The following NXPH1 variants were observed in gnomAD, a reference collection of about 807,000 sequenced individuals.
NXPH1 encodes the protein neurexophilin 1.
NXPH1 carries 5 observed loss-of-function variants against 23.7 expected under a neutral mutation model. The ratio of observed to expected loss-of-function variants is 0.21; its 90% CI spans 0.11 to 0.44. The LOEUF is 0.44. Ranked by LOEUF, NXPH1 falls within the 20% of genes least tolerant of loss-of-function variation. NXPH1 has a pLI of 0.99. For missense variants in NXPH1, 324 were observed against 321.6 expected, an observed-to-expected ratio of 1.01 and a Z score of -0.06; for synonymous variants, 144 against 122.2, an observed-to-expected ratio of 1.18 and a Z score of -1.18.
intron 2 of NXPH1, among the ~76,000 whole-genome samples, chr7:8,740,571 G>A (rs970470413): frequency 3.3e-5 from 5 of 152,148 alleles, no homozygotes; most frequent in African/African-American, 9.7e-5. Flanking sequence ...TGTAATACAG[G>A]CTCCTGGAGC....
chr7:8,683,066 A>G (rs1197611979), intron 2 of NXPH1, among the ~76,000 whole-genome samples: 1 of 152,236 alleles, frequency 6.6e-6, no homozygotes, highest in African/African-American at 2.4e-5. Flanking sequence ...GAGTTCTGCA[A>G]ACTGTGCAGG....
chr7:8,595,122 A>G (rs1323324482), intron 2 of NXPH1, among the ~76,000 whole-genome samples: 2 of 152,000 alleles, frequency 1.3e-5, no homozygotes, highest in African/African-American at 4.8e-5. Context: ...TTGGAAGCAC[A>G]CTTTTATCTG....
intron 2 of NXPH1, among the ~76,000 whole-genome samples, chr7:8,730,371 G>A (rs867841940): frequency 1.3e-5 from 2 of 148,636 alleles, no homozygotes; most frequent in Non-Finnish European, 3.0e-5. Flanking sequence ...GTGTGAATTT[G>A]ATCCTGTCAT....
intron 2 of NXPH1, among the ~76,000 whole-genome samples, chr7:8,729,410 T>C (rs143303951): frequency 0.54 from 63,535 of 116,870 alleles, 15,657 homozygotes; most frequent in African/African-American, 0.72. Context: ...CTTGCTTTTC[T>C]AGTTCTTTTA....
At chr7:8,540,071 A>T (rs1157728133) in intron 2 of NXPH1, among the ~76,000 whole-genome samples, 2 of 151,838 alleles carry the variant, frequency 1.3e-5, no homozygotes, top group Non-Finnish European at 2.9e-5. Context: ...ATTACACGCT[A>T]ATTTTATAGC....
chr7:8,733,058 G>A (rs1269368070), intron 2 of NXPH1, among the ~76,000 whole-genome samples: 2 of 151,796 alleles, frequency 1.3e-5, no homozygotes, highest in Non-Finnish European at 1.5e-5. Context: ...CCCCCTGTGT[G>A]TAATGTTTCC....
chr7:8,496,649 C>T (rs1204222337), intron 2 of NXPH1, among the ~76,000 whole-genome samples: 1 of 152,044 alleles, frequency 6.6e-6, no homozygotes, highest in Non-Finnish European at 1.5e-5. Context: ...AATGCAACTT[C>T]TTGGGCCCCA....
At chr7:8,444,508 C>T (rs1023708464) in intron 2 of NXPH1, among the ~76,000 whole-genome samples, 1 of 152,232 alleles carries the variant, frequency 6.6e-6, no homozygotes, top group Admixed American at 6.5e-5. Context: ...CATTTCTCCT[C>T]TCTTCCGCAG....
chr7:8,501,794 A>G (rs974981022), intron 2 of NXPH1, among the ~76,000 whole-genome samples: 7 of 152,186 alleles, frequency 4.6e-5, no homozygotes, highest in East Asian at 1.9e-4. Flanking sequence ...TAGCTCCCCA[A>G]TGCAGCAACG....
At chr7:8,576,466 C>G (rs182427346) in intron 2 of NXPH1, among the ~76,000 whole-genome samples, 1 of 152,192 alleles carries the variant, frequency 6.6e-6, no homozygotes, top group Non-Finnish European at 1.5e-5. Flanking sequence ...CGCAAGGAAA[C>G]CTTTCTTGAA....
chr7:8,717,248 G>A (rs933077344), intron 2 of NXPH1, among the ~76,000 whole-genome samples: 2 of 151,920 alleles, frequency 1.3e-5, no homozygotes, highest in Non-Finnish European at 2.9e-5. Flanking sequence ...TTCTTGTTCT[G>A]ATTTTAAGAA....
chr7:8,480,392 A>C (rs966274144), intron 2 of NXPH1, among the ~76,000 whole-genome samples: 13 of 152,202 alleles, frequency 8.5e-5, no homozygotes, highest in African/African-American at 3.1e-4. Context: ...AAACTCTTGA[A>C]ATGGAAGGCA....
chr7:8,530,142 G>C (rs1336131171), intron 2 of NXPH1, among the ~76,000 whole-genome samples: 1 of 152,176 alleles, frequency 6.6e-6, no homozygotes, highest in African/African-American at 2.4e-5. Context: ...CAATCATCAT[G>C]AAGAGCCTGT....
intron 2 of NXPH1, among the ~76,000 whole-genome samples, chr7:8,480,856 G>C (rs1817061500): frequency 6.6e-6 from 1 of 152,192 alleles, no homozygotes; most frequent in South Asian, 2.1e-4. Flanking sequence ...GATTCACTAA[G>C]TGTTTGCAAT....
intron 2 of NXPH1, among the ~76,000 whole-genome samples, chr7:8,559,406 G>C (rs562935821): frequency 1.3e-5 from 2 of 151,738 alleles, no homozygotes; most frequent in South Asian, 2.1e-4. Flanking sequence ...ACATGCTTTT[G>C]CCTTAGGTGT....
chr7:8,532,763 A>T (rs1394382755), intron 2 of NXPH1, among the ~76,000 whole-genome samples: 1 of 152,050 alleles, frequency 6.6e-6, no homozygotes, highest in Non-Finnish European at 1.5e-5. Context: ...TATCACTCAA[A>T]CATTCTATGG....
chr7:8,563,194 T>C (rs569279772), intron 2 of NXPH1, among the ~76,000 whole-genome samples: 1 of 151,922 alleles, frequency 6.6e-6, no homozygotes, highest in East Asian at 2.0e-4. Context: ...GTTCCTGTTC[T>C]AAACTTTGGG....
chr7:8,452,474 A>T (rs1394799583), intron 2 of NXPH1, among the ~76,000 whole-genome samples: 2 of 152,072 alleles, frequency 1.3e-5, no homozygotes, highest in Non-Finnish European at 2.9e-5. Flanking sequence ...CTAGAATCTC[A>T]TTGACAGCCT....
chr7:8,585,137 C>G (rs958538245), intron 2 of NXPH1, among the ~76,000 whole-genome samples: 1 of 152,176 alleles, frequency 6.6e-6, no homozygotes, highest in African/African-American at 2.4e-5. Flanking sequence ...GGGACTTTCT[C>G]TAAAATTATT....
Sources: allele counts gnomAD v4.1 joint callset (sites outside exome capture counted in the v4.1 genomes callset), GRCh38; gene constraint gnomAD v4.1.1; transcripts MANE v1.5; gene names NCBI Gene and HGNC (gene_info 2026-07-23, HGNC 2026-07-21).